RDH11: variants seen among roughly 807,000 people sequenced by gnomAD.
The protein encoded by RDH11 is retinol dehydrogenase 11, also known as HCV core-binding protein HCBP12.
A neutral mutation model predicts 33.4 loss-of-function variants in RDH11; 19 were observed. That is an observed-to-expected ratio of 0.57 (90% CI 0.40 to 0.83). The LOEUF (loss-of-function observed/expected upper bound fraction) is 0.83. Ranked by LOEUF, RDH11 falls within the 40% of genes least tolerant of loss-of-function variation. The pLI is 0.00. For missense variants in RDH11, 353 were observed against 389.0 expected, an observed-to-expected ratio of 0.91 and a Z score of 0.78; for synonymous variants, 154 against 155.3, an observed-to-expected ratio of 0.99 and a Z score of 0.06.
intron 6 of RDH11, among the ~76,000 whole-genome samples, chr14:67,679,769 TC>T (rs2037589904): frequency 6.6e-6 from 1 of 152,210 alleles, no homozygotes; most frequent in Non-Finnish European, 1.5e-5. Flanking sequence ...CAATTCTGAC[TC>T]ATTTTTGTAT....
chr14:67,679,554 C>A (rs1490323675), intron 6 of RDH11, among the ~76,000 whole-genome samples: 1 of 152,154 alleles, frequency 6.6e-6, no homozygotes, highest in Non-Finnish European at 1.5e-5. Flanking sequence ...TAGGCGCCTG[C>A]CACCATGACT....
intron 1 of RDH11, among the ~76,000 whole-genome samples, chr14:67,695,176 G>A (rs1341042583): frequency 6.6e-6 from 1 of 152,222 alleles, no homozygotes; most frequent in Non-Finnish European, 1.5e-5. Flanking sequence ...AGAGAGCAAG[G>A]ATGGGGCCGC....
chr14:67,679,370 T>C (rs903931452), intron 6 of RDH11, among the ~76,000 whole-genome samples: 3 of 152,080 alleles, frequency 2.0e-5, no homozygotes, highest in African/African-American at 7.2e-5. Flanking sequence ...AAGTGTTTCA[T>C]ATACCCTCTC....
intron 6 of RDH11, among the ~76,000 whole-genome samples, chr14:67,681,068 G>C (rs566578735): frequency 6.6e-6 from 1 of 152,326 alleles, no homozygotes; most frequent in African/African-American, 2.4e-5. Context: ...ACTGTATTTA[G>C]AGAGAGGGCC....
At chr14:67,681,539 T>C (rs1337116536) in intron 6 of RDH11, among the ~76,000 whole-genome samples, 1 of 152,084 alleles carries the variant, frequency 6.6e-6, no homozygotes, top group Non-Finnish European at 1.5e-5. Context: ...TCCCAGCACT[T>C]TGGGAGGCCG....
rs1345050059 is a variant in RDH11 at position 67,694,908 on chromosome 14, A to G, written c.74+722T>C. On this transcript the variant is annotated intron_variant, in intron 1 of 6. Transcript: ENST00000381346. The stretch of plus-strand genomic sequence containing the variant: ...ACCACTGGTGATTTACTTAGAACCA[A>G]TAAGCAGGCTGCCGGTTTTACAGCC... 2.6e-5 allele frequency among the ~76,000 whole-genome samples: 4 copies of G among 152,158 alleles called. No homozygotes were observed. The East Asian group carries it at 7.7e-4, about 29-fold the overall frequency.
intron 2 of RDH11, 60 bp downstream of exon 2, chr14:67,692,874 T>C: frequency 8.5e-7 from 1 of 1,171,098 alleles, no homozygotes; most frequent in Non-Finnish European, 1.3e-6. Context: ...GAATGAATCA[T>C]CATTACTGTG....
At chr14:67,683,473 T>C (rs1402354760) in intron 6 of RDH11, among the ~76,000 whole-genome samples, 10 of 152,208 alleles carry the variant, frequency 6.6e-5, no homozygotes, top group African/African-American at 9.6e-5. Flanking sequence ...TGTTACACAG[T>C]GGACAACTGT....
chr14:67,691,032 T>C, intron 4 of RDH11, 108 bp downstream of exon 4: 1 of 764,400 alleles, frequency 1.3e-6, no homozygotes, highest in Admixed American at 1.8e-5. Flanking sequence ...CATGGTCTAT[T>C]ATGGTCCTGA....
At chr14:67,693,192 T>C in intron 1 of RDH11, 140 bp from the exon 2 acceptor site, 1 of 542,384 alleles carries the variant, frequency 1.8e-6, no homozygotes, top group Non-Finnish European at 3.2e-6. Context: ...AGTGTCCATT[T>C]AAGGAAAGTT....
chr14:67,686,741 G>A (rs1043729575), intron 5 of RDH11, among the ~76,000 whole-genome samples: 1 of 151,942 alleles, frequency 6.6e-6, no homozygotes, highest in Non-Finnish European at 1.5e-5. Context: ...AAACGCTGGG[G>A]CCAGACATAC....
At chr14:67,690,098 G>A in intron 5 of RDH11, 114 bp downstream of exon 5, 1 of 831,128 alleles carries the variant, frequency 1.2e-6, no homozygotes, top group Non-Finnish European at 1.9e-6. Context: ...CCCAATTATA[G>A]CCACGGAAGC....
intron 1 of RDH11, among the ~76,000 whole-genome samples, chr14:67,694,194 A>C (rs1233866289): frequency 6.6e-6 from 1 of 152,170 alleles, no homozygotes; most frequent in Admixed American, 6.5e-5. Flanking sequence ...GAAAATGCTG[A>C]CAGGGAGGCA....
In RDH11 at chr14:67,678,144, G is replaced by A; in HGVS notation, c.*177C>T. 1 of 549,480 alleles carries A rather than the reference G, an allele frequency of 1.8e-6. No individual in the cohort carries two copies. The allele number at this position is 549,480 out of a possible 1,614,324, so 34.0% of individuals were successfully genotyped here. On this transcript the variant is annotated 3_prime_UTR_variant, in exon 7 of 7. Transcript: ENST00000381346. ...AAGCAAAGTAAATCTGGACATGACA[G>A]ACATTTAGACGAATCTGGCAGTACA...
At chr14:67,681,648 G>A (rs1029086932) in intron 6 of RDH11, among the ~76,000 whole-genome samples, 2 of 152,164 alleles carry the variant, frequency 1.3e-5, no homozygotes, top group East Asian at 3.8e-4. Context: ...CAGGCATGGT[G>A]GTGTGCACCT....
intron 1 of RDH11, among the ~76,000 whole-genome samples, chr14:67,694,099 T>G (rs1017150531): frequency 6.6e-5 from 10 of 152,184 alleles, no homozygotes; most frequent in African/African-American, 2.2e-4. Flanking sequence ...AGGAGATGCA[T>G]TCTTAAAGAG....
At chr14:67,686,289 C>T (rs1361290763) in intron 5 of RDH11, 2 of 152,192 alleles carry the variant, frequency 1.3e-5, no homozygotes, top group Non-Finnish European at 1.5e-5. Flanking sequence ...TACTTACAAC[C>T]TCACAGGGTA....
At chr14:67,688,833 C>T (rs186943959) in intron 5 of RDH11, among the ~76,000 whole-genome samples, 20 of 152,232 alleles carry the variant, frequency 1.3e-4, no homozygotes, top group Non-Finnish European at 1.9e-4. Flanking sequence ...CTTTCTCCCC[C>T]GTTAGATGTA....
chr14:67,689,988 A>C, intron 5 of RDH11: 1 of 516,106 alleles, frequency 1.9e-6, no homozygotes, highest in Non-Finnish European at 3.5e-6. Flanking sequence ...TCACACAGCT[A>C]GTAAGTAGTA....
Sources: allele counts gnomAD v4.1 joint callset (sites outside exome capture counted in the v4.1 genomes callset), GRCh38; gene constraint gnomAD v4.1.1; transcripts MANE v1.5; gene names NCBI Gene and HGNC (gene_info 2026-07-23, HGNC 2026-07-21).